RGL1: variants seen among roughly 807,000 people sequenced by gnomAD.
RGL1 encodes the protein ral guanine nucleotide dissociation stimulator like 1, also known as ral guanine nucleotide dissociation stimulator-like 1.
A neutral mutation model predicts 95.2 loss-of-function variants in RGL1; 24 were observed. The observed-to-expected ratio is 0.25, with a 90% CI of 0.18 to 0.35. The LOEUF is 0.35. Among genes scored for constraint, RGL1 ranks in the 10% least tolerant of loss-of-function variants. The probability of loss-of-function intolerance (pLI) is 1.00; values close to 1 mark genes in which losing one functional copy is unlikely to be tolerated. For missense variants in RGL1, 715 were observed against 936.3 expected, an observed-to-expected ratio of 0.76 and a Z score of 3.08; for synonymous variants, 329 against 344.9, an observed-to-expected ratio of 0.95 and a Z score of 0.51.
chr1:183,659,688 A>G (rs1219157629), intron 1 of RGL1, among the ~76,000 whole-genome samples: 1 of 151,978 alleles, frequency 6.6e-6, no homozygotes, highest in Non-Finnish European at 1.5e-5. Context: ...CAACATTCAG[A>G]TTCAGGAAAT....
rs1258950303 is a variant in RGL1, at chr1:183,928,057, C to G, written c.*1765C>G. 2 of 151,762 alleles carry G rather than the reference C, an allele frequency of 1.3e-5. No individual in the cohort carries two copies. The highest frequency in any genetic ancestry group is 4.9e-5 in the African/African-American group (2 of 41,138). The allele number at this position is 151,762 out of a possible 1,614,324, so 9.4% of individuals were successfully genotyped here. On this transcript the variant is annotated 3_prime_UTR_variant, in exon 18 of 18. Coordinates refer to ENST00000360851, the MANE Select transcript of RGL1 (RefSeq NM_001297671.3). ...AAAGCACTTTCTTCTGTTTTCAATC[C>G]CTGTTCGATTTGTGCTTCTGTGCTT...
chr1:183,813,747 C>T lies in RGL1; in HGVS notation c.138+7262C>T, dbSNP rs1354075299. Among the ~76,000 whole-genome samples the T allele has an allele frequency of 2.6e-5, 4 of 152,198 alleles. No homozygotes were observed. In the East Asian group the frequency reaches 5.8e-4, roughly 22 times the overall value. ...ATGTGTTTAAATTCTGTCTGATACTCTTTATCCTAGCAGCTGACATTGCTG... is the reference window on the plus strand; with the variant it reads ...ATGTGTTTAAATTCTGTCTGATACTTTTTATCCTAGCAGCTGACATTGCTG... On this transcript the variant is annotated intron_variant, in intron 2 of 17. Coordinates refer to ENST00000360851, the MANE Select transcript of RGL1 (RefSeq NM_001297671.3).
At chr1:183,857,647 T>C (rs1665242416) in intron 3 of RGL1, among the ~76,000 whole-genome samples, 1 of 152,244 alleles carries the variant, frequency 6.6e-6, no homozygotes, top group African/African-American at 2.4e-5. Context: ...TTTCTCCCTG[T>C]AACTATGCCA....
intron 2 of RGL1, among the ~76,000 whole-genome samples, chr1:183,775,520 A>G (rs1450909212): frequency 6.6e-6 from 1 of 152,250 alleles, no homozygotes; most frequent in African/African-American, 2.4e-5. Context: ...ACTTCCAAAT[A>G]TAGGCAGAAT....
At chr1:183,788,920 TACCC>T (rs1001509912) in intron 2 of RGL1, among the ~76,000 whole-genome samples, 15 of 152,234 alleles carry the variant, frequency 9.9e-5, no homozygotes, top group Admixed American at 5.2e-4. Context: ...TCTCTTCCCC[TACCC>T]ACCCCTTCCA....
intron 13 of RGL1, 22 bp downstream of exon 13, chr1:183,904,993 CGGGGTAGAACTGAA>C: frequency 6.3e-7 from 1 of 1,599,098 alleles, no homozygotes; most frequent in Middle Eastern, 1.7e-4. Context: ...TGTCGTTCAT[CGGGGTAGAACTGAA>C]GTGTTGGCAA....
At chr1:183,920,460 G>A (rs2102755396) in intron 16 of RGL1, among the ~76,000 whole-genome samples, 1 of 152,346 alleles carries the variant, frequency 6.6e-6, no homozygotes, top group East Asian at 1.9e-4. Context: ...AATACTCATT[G>A]TAATCATAAG....
chr1:183,772,941 G>A (rs1017508948), intron 2 of RGL1, among the ~76,000 whole-genome samples: 3 of 148,978 alleles, frequency 2.0e-5, no homozygotes, highest in African/African-American at 5.0e-5. Context: ...CCCGGGAAGC[G>A]GAGCTTGCAG....
intron 2 of RGL1, among the ~76,000 whole-genome samples, chr1:183,752,607 G>A (rs984672785): frequency 1.0e-4 from 10 of 97,972 alleles, no homozygotes; most frequent in East Asian, 4.0e-4. Flanking sequence ...ATCTCAGCTC[G>A]AGAACACTTT....
At chr1:183,671,156 G>A (rs967921198) in intron 1 of RGL1, among the ~76,000 whole-genome samples, 7 of 152,154 alleles carry the variant, frequency 4.6e-5, no homozygotes, top group Non-Finnish European at 1.0e-4. Context: ...AGAACAGCAT[G>A]GGCAAAACTG....
chr1:183,684,450 G>A (rs1216447746), intron 1 of RGL1, among the ~76,000 whole-genome samples: 4 of 152,076 alleles, frequency 2.6e-5, no homozygotes, highest in African/African-American at 7.2e-5. Flanking sequence ...CACCAAGCTC[G>A]AGCGTCCCAG....
chr1:183,866,143 A>T, intron 4 of RGL1, 70 bp downstream of exon 4: 1 of 1,267,042 alleles, frequency 7.9e-7, no homozygotes, highest in South Asian at 1.2e-5. Context: ...TTAGTAGAGT[A>T]TTTTATTCCT....
intron 2 of RGL1, among the ~76,000 whole-genome samples, chr1:183,837,101 A>G (rs1350421050): frequency 1.3e-5 from 2 of 152,176 alleles, no homozygotes; most frequent in South Asian, 2.1e-4. Context: ...GTTTGGAAAC[A>G]TCAGTTAGTT....
At chr1:183,867,645 GT>G (rs1665920198) in intron 4 of RGL1, among the ~76,000 whole-genome samples, 1 of 151,758 alleles carries the variant, frequency 6.6e-6, no homozygotes, top group African/African-American at 2.4e-5. Flanking sequence ...TTGTATATGT[GT>G]TTTTTAAAAG....
chr1:183,736,505 T>C (rs1284021806), intron 1 of RGL1, among the ~76,000 whole-genome samples: 1 of 152,212 alleles, frequency 6.6e-6, no homozygotes, highest in Non-Finnish European at 1.5e-5. Flanking sequence ...TCAGTGCACT[T>C]TGCATTAGGC....
intron 1 of RGL1, among the ~76,000 whole-genome samples, chr1:183,684,888 C>T (rs868742771): frequency 1.3e-5 from 2 of 152,160 alleles, no homozygotes; most frequent in Non-Finnish European, 2.9e-5. Flanking sequence ...ACGCCCCCAC[C>T]CTGCTTCGGC....
At position 183,779,223 on chromosome 1, in the gene RGL1, CCT is replaced by C. The variant is rs1467465424; in HGVS notation, c.133-27151_133-27150del. On this transcript the variant is annotated intron_variant, in intron 2 of 18. Transcript: ENST00000304685. The stretch of plus-strand genomic sequence containing the variant: ...TCCTTCCTTCCTTCCTTCCTTCCTT[CCT>C]TCCCTCCCTCCCACCTTCCTTCCTC... 1.4e-3 allele frequency among the ~76,000 whole-genome samples: 203 copies of C among 147,254 alleles called. 3 individuals carry two copies. Among genetic ancestry groups the C allele is most frequent in the African/African-American group, 4.8e-3 (186 of 38,998 alleles).
chr1:183,847,802 G>C (rs919178584), intron 3 of RGL1, 28 bp downstream of exon 3: 2 of 1,577,314 alleles, frequency 1.3e-6, no homozygotes, highest in African/African-American at 1.4e-5. Flanking sequence ...CTTTTGAGTT[G>C]AAAGAAATGT....
intron 16 of RGL1, among the ~76,000 whole-genome samples, chr1:183,919,037 T>C (rs1669158701): frequency 6.6e-6 from 1 of 152,222 alleles, no homozygotes; most frequent in Non-Finnish European, 1.5e-5. Flanking sequence ...GCATTGAATA[T>C]TCCAAAGAGC....
Sources: allele counts gnomAD v4.1 joint callset (sites outside exome capture counted in the v4.1 genomes callset), GRCh38; gene constraint gnomAD v4.1.1; transcripts MANE v1.5; gene names NCBI Gene and HGNC (gene_info 2026-07-23, HGNC 2026-07-21).